DLGAP2: variants seen among roughly 807,000 people sequenced by gnomAD.
DLGAP2 encodes DLG associated protein 2.
DLGAP2 carries 26 observed loss-of-function variants against 100.3 expected under a neutral mutation model. That is an observed-to-expected ratio of 0.26 (90% CI 0.19 to 0.36). The LOEUF is 0.36. DLGAP2 is among the 10% of genes least tolerant of loss of function. The pLI, the probability that DLGAP2 is intolerant of heterozygous loss-of-function variation, is 1.00. For synonymous variants in DLGAP2, 886 were observed against 630.1 expected (o/e 1.41, Z -6.08); for missense variants, 1,858 against 1,453.2 (o/e 1.28, Z -4.53).
At chr8:1,109,178 T>C (rs75995505) in intron 2 of DLGAP2, among the ~76,000 whole-genome samples, 5,255 of 30,648 alleles carry the variant, frequency 0.17, 218 homozygotes, top group Non-Finnish European at 0.23. Context: ...GAGGTGTGCA[T>C]GGGTCTGTGA....
At chr8:1,091,910 A>G (rs565470594) in intron 2 of DLGAP2, among the ~76,000 whole-genome samples, 8 of 151,392 alleles carry the variant, frequency 5.3e-5, no homozygotes, top group Non-Finnish European at 1.2e-4. Flanking sequence ...AGCTCCCCAC[A>G]TCCCAGGCTG....
intron 3 of DLGAP2, among the ~76,000 whole-genome samples, chr8:1,352,263 C>CCT (rs1801751390): frequency 1.7e-5 from 1 of 57,776 alleles, no homozygotes; most frequent in African/African-American, 6.0e-5. Context: ...GGGTCCTGAT[C>CCT]GTGTGTGGAA....
rs145551617 is a variant in DLGAP2 at position 769,050 on chromosome 8, A to G, written c.18+31225A>G. Among the ~76,000 whole-genome samples, 292 of 152,238 alleles carry G rather than the reference A, an allele frequency of 1.9e-3. 6 individuals carry two copies. In the East Asian group the frequency reaches 0.036, roughly 19 times the overall value. On this transcript the variant is annotated intron_variant, in intron 1 of 14. Transcript: ENST00000637795. ...GATTGTTTCGAGTATTAGGTGAGAC[A>G]GTGCGTGCATGGTCAGGTGTGGTCC...
intron 1 of DLGAP2, among the ~76,000 whole-genome samples, chr8:781,672 A>T (rs911393243): frequency 1.7e-4 from 26 of 152,210 alleles, no homozygotes; most frequent in Admixed American, 1.5e-3. Flanking sequence ...GATTTGGCTG[A>T]ACATTTAAAT....
intron 2 of DLGAP2, among the ~76,000 whole-genome samples, chr8:1,164,594 C>T (rs1240036723): frequency 1.3e-5 from 2 of 152,078 alleles, no homozygotes; most frequent in Non-Finnish European, 2.9e-5. Flanking sequence ...AGCCCAGATG[C>T]CACAAAGCCC....
At chr8:1,013,402 C>T (rs895846659) in intron 2 of DLGAP2, among the ~76,000 whole-genome samples, 3 of 152,050 alleles carry the variant, frequency 2.0e-5, no homozygotes, top group African/African-American at 7.3e-5. Context: ...AGCCGGTGTC[C>T]TGACTCTCTA....
chr8:1,200,963 C>A (rs545316557), intron 2 of DLGAP2, among the ~76,000 whole-genome samples: 1 of 152,220 alleles, frequency 6.6e-6, no homozygotes, highest in Non-Finnish European at 1.5e-5. Flanking sequence ...CGGCGGGGCG[C>A]TGCGCTCGGC....
chr8:1,570,687 T>C (rs77352272), intron 6 of DLGAP2, among the ~76,000 whole-genome samples: 26 of 146,456 alleles, frequency 1.8e-4, no homozygotes, highest in African/African-American at 6.8e-4. Flanking sequence ...GGGTGAACTG[T>C]GGGGGTGTCT....
At chr8:1,073,122 G>GTT (rs1322857255) in intron 2 of DLGAP2, among the ~76,000 whole-genome samples, 2 of 152,160 alleles carry the variant, frequency 1.3e-5, no homozygotes, top group Middle Eastern at 3.2e-3. Context: ...GTTATTTTGA[G>GTT]TTGAGGCACG....
At chr8:1,652,563 A>G (rs1235589286) in intron 8 of DLGAP2, among the ~76,000 whole-genome samples, 2 of 152,236 alleles carry the variant, frequency 1.3e-5, no homozygotes. Flanking sequence ...CCAGGAGAGC[A>G]GAGACAAGGT....
chr8:1,507,640 G>C (rs1408318138), intron 4 of DLGAP2, among the ~76,000 whole-genome samples: 1 of 152,186 alleles, frequency 6.6e-6, no homozygotes, highest in Non-Finnish European at 1.5e-5. Context: ...GAGTGAGTGA[G>C]GGCTGCCAGC....
chr8:1,438,502 G>A (rs575818596), intron 3 of DLGAP2, among the ~76,000 whole-genome samples: 2 of 152,236 alleles, frequency 1.3e-5, no homozygotes, highest in East Asian at 3.9e-4. Flanking sequence ...ACCACCATAC[G>A]TATGTAAGTG....
chr8:1,626,698 G>C (rs370942530), intron 6 of DLGAP2, 42 bp from the exon 7 acceptor site: 2 of 1,562,438 alleles, frequency 1.3e-6, no homozygotes, highest in African/African-American at 1.4e-5. Context: ...CCCTGCAGCG[G>C]GTGCTCACAG....
intron 3 of DLGAP2, among the ~76,000 whole-genome samples, chr8:1,416,836 T>G (rs73670798): frequency 6.6e-6 from 1 of 152,094 alleles, no homozygotes; most frequent in Admixed American, 6.6e-5. Context: ...TCCTCAGACA[T>G]TTGTTGCAAA....
At chr8:1,275,831 A>AAT (rs1799673860) in intron 3 of DLGAP2, among the ~76,000 whole-genome samples, 1 of 64,842 alleles carries the variant, frequency 1.5e-5, no homozygotes, top group Non-Finnish European at 2.9e-5. Context: ...TATAAAAATA[A>AAT]ATATATAATA....
chr8:1,363,894 G>A (rs1402730671), intron 3 of DLGAP2, among the ~76,000 whole-genome samples: 3 of 152,032 alleles, frequency 2.0e-5, no homozygotes, highest in South Asian at 2.1e-4. Context: ...CCTGCTCCCC[G>A]TGAGGTTGTG....
At chr8:1,285,985 C>G (rs2116958318) in intron 3 of DLGAP2, among the ~76,000 whole-genome samples, 1 of 152,298 alleles carries the variant, frequency 6.6e-6, no homozygotes, top group South Asian at 2.1e-4. Flanking sequence ...CTATTTTTGA[C>G]TTGTTCACTT....
chr8:982,141 A>C (rs1287726748), intron 2 of DLGAP2, among the ~76,000 whole-genome samples: 3 of 152,200 alleles, frequency 2.0e-5, no homozygotes, highest in Non-Finnish European at 4.4e-5. Flanking sequence ...CTTCCAGTGG[A>C]GCGAGTGTGG....
At chr8:1,652,680 T>A (rs184459827) in intron 8 of DLGAP2, among the ~76,000 whole-genome samples, 1 of 152,228 alleles carries the variant, frequency 6.6e-6, no homozygotes, top group South Asian at 2.1e-4. Flanking sequence ...TGTGCACTTA[T>A]GTAAAACTTA....
Sources: allele counts gnomAD v4.1 joint callset (sites outside exome capture counted in the v4.1 genomes callset), GRCh38; gene constraint gnomAD v4.1.1; transcripts MANE v1.5; gene names NCBI Gene and HGNC (gene_info 2026-07-23, HGNC 2026-07-21).